The following CPS1 variants were observed in gnomAD, a reference collection of about 807,000 sequenced individuals.
CPS1 encodes carbamoyl-phosphate synthase [ammonia], mitochondrial.
CPS1 carries 109 observed loss-of-function variants against 174.6 expected under a neutral mutation model. The ratio of observed to expected loss-of-function variants is 0.62; its 90% CI spans 0.53 to 0.73. CPS1 has a LOEUF of 0.73. Ranked by LOEUF, CPS1 falls within the 30% of genes least tolerant of loss-of-function variation. CPS1 has a pLI of 0.00. For missense variants in CPS1, 1,689 were observed against 1,821.9 expected (o/e 0.93, Z 1.33); for synonymous variants, 637 against 632.0 (o/e 1.01, Z -0.12).
chr2:210,525,824 A>AGG (rs974337079), intron 1 of CPS1, among the ~76,000 whole-genome samples: 1 of 143,360 alleles, frequency 7.0e-6, no homozygotes. Context: ...AGAGAGAGAG[A>AGG]GAGGGAGAGA....
chr2:210,661,705 C>A (rs1700926369), intron 32 of CPS1, among the ~76,000 whole-genome samples: 3 of 151,958 alleles, frequency 2.0e-5, no homozygotes, highest in Non-Finnish European at 4.4e-5. Context: ...ATTGTTAAAT[C>A]TTTTAGTAGA....
chr2:210,575,889 A>C (rs1191479574), intron 2 of CPS1, among the ~76,000 whole-genome samples: 1 of 152,116 alleles, frequency 6.6e-6, no homozygotes, highest in Admixed American at 6.6e-5. Flanking sequence ...TATCCTAAAA[A>C]ATATCAAGAA....
At chr2:210,520,014 A>G (rs1695779852) in intron 1 of CPS1, among the ~76,000 whole-genome samples, 1 of 151,982 alleles carries the variant, frequency 6.6e-6, no homozygotes, top group Admixed American at 6.6e-5. Flanking sequence ...AGAAATACAA[A>G]TCGTCATTGT....
intron 1 of CPS1, among the ~76,000 whole-genome samples, chr2:210,478,250 A>G (rs1694459427): frequency 6.6e-6 from 1 of 152,130 alleles, no homozygotes; most frequent in African/African-American, 2.4e-5. Flanking sequence ...CAACATATCA[A>G]TTGTTTCTGT....
At chr2:210,562,178 GA>G (rs1697124219) in intron 1 of CPS1, among the ~76,000 whole-genome samples, 1 of 152,106 alleles carries the variant, frequency 6.6e-6, no homozygotes, top group Non-Finnish European at 1.5e-5. Context: ...AACCTTATTA[GA>G]ATAAAAATGA....
chr2:210,499,593 C>T lies in CPS1; in HGVS notation c.3+21827C>T, dbSNP rs116881792. Among the ~76,000 whole-genome samples, 54 of 152,324 alleles carry T rather than the reference C, an allele frequency of 3.5e-4. No individual in the cohort carries two copies. The East Asian group carries it at 9.3e-3, about 26-fold the overall frequency. On this transcript the variant is annotated intron_variant, in intron 1 of 38. Transcript: ENST00000430249. ...ACTTTGTATGCACTCGGGTTAAAAA[C>T]GGCATCCTGCTTTCAGTCCTGGGTC...
intron 1 of CPS1, among the ~76,000 whole-genome samples, chr2:210,518,984 CT>C (rs1035691302): frequency 1.8e-4 from 27 of 151,988 alleles, no homozygotes; most frequent in African/African-American, 6.5e-4. Context: ...AGTTCCTACC[CT>C]TCTCTCACCA....
chr2:210,546,834 T>C (rs1217155747), intron 1 of CPS1, among the ~76,000 whole-genome samples: 2 of 152,052 alleles, frequency 1.3e-5, no homozygotes, highest in Admixed American at 6.6e-5. Flanking sequence ...ATTTCTCCTT[T>C]GATTCATTTC....
At position 210,525,330 on chromosome 2, in the gene CPS1, A is replaced by C. The variant is rs79698803; in HGVS notation, c.4-31389A>C. 1.1e-4 allele frequency among the ~76,000 whole-genome samples: 16 copies of C among 152,086 alleles called. No individual in the cohort carries two copies. The East Asian group carries it at 2.9e-3, about 28-fold the overall frequency. Reference sequence around the variant, plus strand: ...AGACAATTAACTTATCTGAGAGACTATGCTGTCTTTTAAGAACAGGGCAAA... The same window carrying C: ...AGACAATTAACTTATCTGAGAGACTCTGCTGTCTTTTAAGAACAGGGCAAA... On this transcript the variant is annotated intron_variant, in intron 1 of 38. Coordinates refer to the CPS1 transcript ENST00000430249.
intron 1 of CPS1, among the ~76,000 whole-genome samples, chr2:210,508,758 G>A (rs1032355216): frequency 2.8e-4 from 42 of 152,232 alleles, no homozygotes; most frequent in Non-Finnish European, 4.7e-4. Flanking sequence ...ACACCTCTAC[G>A]CAAATAAACT....
Position 210,582,652 on chromosome 2 carries a change from G to C in CPS1, c.564G>C (p.Gln188His). ...TTGGGAAGATTGAATTTGAAGGTCA[G>C]CCTGTGGATTTTGTGGATCCAAATA... Reference protein sequence around the residue: ...TMLGKIEFEGQPVDFVDPNKQ... With the variant: ...TMLGKIEFEGHPVDFVDPNKQ... Residue 188 changes from glutamine to histidine, a missense_variant, in exon 6 of 38, where the codon CAG becomes CAC. Gln to His is a conservative substitution (Grantham distance 24). Transcript: ENST00000233072. 6.2e-7 allele frequency: 1 copy of C among 1,613,420 alleles called. No individual in the cohort carries two copies. Among genetic ancestry groups the C allele is most frequent in the Non-Finnish European group, 8.5e-7 (1 of 1,179,574 alleles).
chr2:210,641,629 T>C (rs1700228621), intron 24 of CPS1, among the ~76,000 whole-genome samples: 1 of 152,188 alleles, frequency 6.6e-6, no homozygotes, highest in African/African-American at 2.4e-5. Flanking sequence ...CTGTCTACTC[T>C]CTGGAGTACT....
At chr2:210,570,464 A>G (rs944460186) in intron 1 of CPS1, among the ~76,000 whole-genome samples, 2 of 151,932 alleles carry the variant, frequency 1.3e-5, no homozygotes, top group East Asian at 3.9e-4. Flanking sequence ...AAATGATCAG[A>G]AAGTGTCTAA....
At chr2:210,485,231 C>T (rs77794885) in intron 1 of CPS1, among the ~76,000 whole-genome samples, 1 of 94,262 alleles carries the variant, frequency 1.1e-5, no homozygotes, top group Admixed American at 1.1e-4. Context: ...GACTACATCT[C>T]AAAAAAAAAA....
chr2:210,613,800 T>C (rs919443058), intron 20 of CPS1, among the ~76,000 whole-genome samples: 8 of 151,950 alleles, frequency 5.3e-5, no homozygotes, highest in African/African-American at 1.9e-4. Flanking sequence ...TTTCACAGGG[T>C]ACCCTATGTA....
intron 21 of CPS1, chr2:210,617,679 A>G (rs1229692911): frequency 6.6e-6 from 1 of 152,072 alleles, no homozygotes; most frequent in Non-Finnish European, 1.5e-5. Flanking sequence ...TCTATCTGAC[A>G]AAGATGAAAC....
intron 16 of CPS1, among the ~76,000 whole-genome samples, chr2:210,603,782 C>T (rs1698807014): frequency 6.6e-6 from 1 of 151,752 alleles, no homozygotes; most frequent in South Asian, 2.1e-4. Context: ...CTCGCTCTTC[C>T]CTTGAGAATA....
chr2:210,511,708 C>T (rs1173662550), intron 1 of CPS1, among the ~76,000 whole-genome samples: 1 of 151,966 alleles, frequency 6.6e-6, no homozygotes, highest in African/African-American at 2.4e-5. Flanking sequence ...TGGGGTTTGC[C>T]TAGAACAACA....
At chr2:210,516,929 A>G (rs1188622210) in intron 1 of CPS1, among the ~76,000 whole-genome samples, 2 of 151,826 alleles carry the variant, frequency 1.3e-5, no homozygotes, top group Non-Finnish European at 2.9e-5. Context: ...TTCTTATTCC[A>G]TATCAGTTAT....
Sources: gnomAD v4.1 joint callset for allele counts (sites outside exome capture counted in the v4.1 genomes callset) on GRCh38, gnomAD v4.1.1 for gene constraint, MANE v1.5 for transcripts, NCBI Gene and HGNC (gene_info 2026-07-23, HGNC 2026-07-21) for gene names.